GPM6B: variants seen among roughly 807,000 people sequenced by gnomAD.
The protein encoded by GPM6B is glycoprotein M6B, also known as neuronal membrane glycoprotein M6-b.
Under a neutral mutation model 27.2 loss-of-function variants are expected in GPM6B, and 4 were observed. That is an observed-to-expected ratio of 0.15 (90% CI 0.07 to 0.34). The LOEUF (loss-of-function observed/expected upper bound fraction) is 0.34. Ranked by LOEUF, GPM6B falls within the 10% of genes least tolerant of loss-of-function variation. The probability of loss-of-function intolerance (pLI) is 1.00; values close to 1 mark genes in which losing one functional copy is unlikely to be tolerated. For missense variants in GPM6B, 183 were observed against 261.9 expected, an observed-to-expected ratio of 0.70 and a Z score of 2.08; for synonymous variants, 124 against 103.1, an observed-to-expected ratio of 1.20 and a Z score of -1.23.
rs191537484 is a variant in GPM6B at position 13,931,467 on chromosome X, T to A, written c.-198+6860A>T. Among the ~76,000 whole-genome samples the A allele has an allele frequency of 1.2e-3, 124 of 106,528 alleles. 1 individual carries two copies. Among genetic ancestry groups the A allele is most frequent in the Middle Eastern group, 4.8e-3 (1 of 209 alleles). The allele number at this position is 106,528 out of a possible 115,157, so 92.5% of individuals were successfully genotyped here. A position where few individuals can be genotyped will look rare whatever the true frequency, so the allele number is the denominator to read the frequency against. On this transcript the variant is annotated intron_variant, in intron 1 of 6. Coordinates refer to the GPM6B transcript ENST00000398361. Reference sequence around the variant, plus strand: ...CGCACCACTGCACTCCAGCCTGGGCTACAGAGTGAGACTCCTTCTCAAAAA... The same window carrying A: ...CGCACCACTGCACTCCAGCCTGGGCAACAGAGTGAGACTCCTTCTCAAAAA...
At chrX:13,808,606 T>C (rs1337822237) in intron 1 of GPM6B, among the ~76,000 whole-genome samples, 1 of 111,556 alleles carries the variant, frequency 9.0e-6, no homozygotes, top group Non-Finnish European at 1.9e-5. Flanking sequence ...GGCCAGTTTA[T>C]CTCCGAGAAT....
At chrX:13,799,190 A>ATTTTTTTTTTTTTTTTTTTTT (rs763194245) in intron 2 of GPM6B, among the ~76,000 whole-genome samples, 1 of 35,957 alleles carries the variant, frequency 2.8e-5, no homozygotes, top group Non-Finnish European at 4.7e-5. Flanking sequence ...AGCCAACCTA[A>ATTTTTTTTTTTTTTTTTTTTT]TTTTTTTTTT....
rs190532868 is a variant in GPM6B, at chrX:13,835,405, G to A, written c.-197-49597C>T. Among the ~76,000 whole-genome samples the A allele has an allele frequency of 4.6e-4, 51 of 112,086 alleles. 2 individuals are homozygous for A. The highest frequency in any genetic ancestry group is 3.6e-3 in the East Asian group (13 of 3,578). On this transcript the variant is annotated intron_variant, in intron 1 of 6. Transcript: ENST00000398361. ...TTCCTAGAAGAAATACTATCTGAATGGGTACTTGAGAAATAATCAGAAGTT... is the reference window on the plus strand; with the variant it reads ...TTCCTAGAAGAAATACTATCTGAATAGGTACTTGAGAAATAATCAGAAGTT...
chrX:13,789,182 G>C (rs2048665952), intron 2 of GPM6B, among the ~76,000 whole-genome samples: 1 of 111,821 alleles, frequency 8.9e-6, no homozygotes, highest in East Asian at 2.8e-4. Context: ...GTTATCTTCA[G>C]GGTTAAGATT....
At chrX:13,936,238 A>AC (rs1303410926) in intron 1 of GPM6B, among the ~76,000 whole-genome samples, 1 of 111,904 alleles carries the variant, frequency 8.9e-6, no homozygotes, top group East Asian at 2.8e-4. Flanking sequence ...ACAATGAAAA[A>AC]CCCATGTTTT....
intron 1 of GPM6B, among the ~76,000 whole-genome samples, chrX:13,814,138 A>C (rs767823846): frequency 8.9e-6 from 1 of 112,687 alleles, no homozygotes; most frequent in Admixed American, 9.4e-5. Flanking sequence ...TGTCCCGCTG[A>C]AACTCCCAGG....
intron 1 of GPM6B, among the ~76,000 whole-genome samples, chrX:13,849,477 A>C (rs752128985): frequency 8.9e-6 from 1 of 112,032 alleles, no homozygotes; most frequent in East Asian, 3.0e-4. Context: ...ACATGGGTGT[A>C]TCATAAATAC....
chrX:13,783,570 G>A lies in GPM6B; in HGVS notation c.369-49C>T. Reference sequence around the variant, plus strand: ...GAACCATTAAATTCACTGCCTGGTAGTGACTACGTTTCTGGACGCTGGAGA... The same window carrying A: ...GAACCATTAAATTCACTGCCTGGTAATGACTACGTTTCTGGACGCTGGAGA... On this transcript the variant is annotated intron_variant, in intron 3 of 7. Coordinates refer to ENST00000316715, the MANE Select transcript of GPM6B (RefSeq NM_001001995.3). 4 of 1,045,735 alleles carry A rather than the reference G, an allele frequency of 3.8e-6. No individual in the cohort carries two copies. In the South Asian group the frequency reaches 6.5e-5, roughly 17 times the overall value. 86.2% of individuals were successfully genotyped at this position (1,045,735 alleles called of 1,213,427 possible). A position where few individuals can be genotyped will look rare whatever the true frequency, so the allele number is the denominator to read the frequency against.
At chrX:13,813,991 C>T (rs1240185492) in intron 1 of GPM6B, among the ~76,000 whole-genome samples, 2 of 111,870 alleles carry the variant, frequency 1.8e-5, no homozygotes, top group African/African-American at 6.5e-5. Context: ...AACTATCAGA[C>T]TGAAAAAACA....
intron 1 of GPM6B, among the ~76,000 whole-genome samples, chrX:13,904,228 TA>T (rs1192790732): frequency 3.6e-5 from 4 of 111,953 alleles, no homozygotes; most frequent in African/African-American, 1.3e-4. Flanking sequence ...CTAGTGGAGG[TA>T]TAACATACAC....
chrX:13,883,713 TAGTC>T (rs1166428105), intron 1 of GPM6B, among the ~76,000 whole-genome samples: 3 of 100,211 alleles, frequency 3.0e-5, no homozygotes, highest in Admixed American at 2.2e-4. Context: ...AAAAAAAAAT[TAGTC>T]AGGCGTGGTG....
chrX:13,861,033 CACACACACACATAT>C (rs201713586), intron 1 of GPM6B, among the ~76,000 whole-genome samples: 20,112 of 91,325 alleles, frequency 0.22, 1,571 homozygotes, highest in African/African-American at 0.42. Context: ...CACACACACA[CACACACACACATAT>C]ATACATATAT....
At chrX:13,909,120 CTTTTTTTTTTTT>C (rs368081524) in intron 1 of GPM6B, among the ~76,000 whole-genome samples, 2 of 69,860 alleles carry the variant, frequency 2.9e-5, no homozygotes, top group African/African-American at 1.2e-4. Context: ...TGTTCATATC[CTTTTTTTTTTTT>C]TTTTTTTTTT....
In GPM6B at chrX:13,841,470, A is replaced by G. The variant is rs140519587; in HGVS notation, c.-197-55662T>C. Among the ~76,000 whole-genome samples, 1,013 of 112,392 alleles carry G rather than the reference A, an allele frequency of 9.0e-3. 10 individuals are homozygous for G. Among genetic ancestry groups the G allele is most frequent in the East Asian group, 0.034 (123 of 3,576 alleles). On this transcript the variant is annotated intron_variant, in intron 1 of 6. Transcript: ENST00000398361. ...TCTGGAGCAGTCATCCAAGATCTACAGAATGCCTTTACATATCGTAGGCAT... is the reference window on the plus strand; with the variant it reads ...TCTGGAGCAGTCATCCAAGATCTACGGAATGCCTTTACATATCGTAGGCAT...
chrX:13,797,278 G>C (rs955217149), intron 2 of GPM6B, among the ~76,000 whole-genome samples: 2 of 111,153 alleles, frequency 1.8e-5, no homozygotes, highest in African/African-American at 6.6e-5. Flanking sequence ...AGACACATAA[G>C]GTATCACTAA....
intron 1 of GPM6B, among the ~76,000 whole-genome samples, chrX:13,858,793 C>T (rs1339357531): frequency 8.9e-6 from 1 of 111,884 alleles, no homozygotes; most frequent in Admixed American, 9.5e-5. Flanking sequence ...TCACCTGCGA[C>T]ACATATCCTC....
At chrX:13,840,138 G>C (rs775709152) in intron 1 of GPM6B, among the ~76,000 whole-genome samples, 35 of 112,189 alleles carry the variant, frequency 3.1e-4, no homozygotes, top group Admixed American at 2.9e-3. Flanking sequence ...AGCTTGAGAA[G>C]GCATGTAATA....
At chrX:13,930,736 C>G (rs187089946) in intron 1 of GPM6B, among the ~76,000 whole-genome samples, 31 of 112,373 alleles carry the variant, frequency 2.8e-4, no homozygotes, top group African/African-American at 8.1e-4. Context: ...ATAAAATGGA[C>G]AAAGCCCTTG....
At chrX:13,927,741 A>G (rs1438915597) in intron 1 of GPM6B, among the ~76,000 whole-genome samples, 1 of 112,946 alleles carries the variant, frequency 8.9e-6, no homozygotes, top group Non-Finnish European at 1.9e-5. Context: ...AATCCTGAAT[A>G]GGTATGCAAC....
Sources: allele counts gnomAD v4.1 joint callset (sites outside exome capture counted in the v4.1 genomes callset), GRCh38; gene constraint gnomAD v4.1.1; transcripts MANE v1.5; gene names NCBI Gene and HGNC (gene_info 2026-07-23, HGNC 2026-07-21).